The following NPAS3 variants were observed in gnomAD, a reference collection of about 807,000 sequenced individuals.
NPAS3 encodes the protein neuronal PAS domain protein 3.
In NPAS3, 14 loss-of-function variants were observed where a neutral mutation model predicts 73.1. That is an observed-to-expected ratio of 0.19 (90% CI 0.13 to 0.30). The LOEUF (loss-of-function observed/expected upper bound fraction) is 0.30, where lower values mean the gene tolerates loss of function less well. Among genes scored for constraint, NPAS3 ranks in the 10% least tolerant of loss-of-function variants. The pLI is 1.00. For missense variants in NPAS3, 1,096 were observed against 1,250.0 expected (o/e 0.88, Z 1.86); for synonymous variants, 620 against 541.5 (o/e 1.14, Z -2.01).
chr14:33,112,995 C>T (rs1262947012), intron 2 of NPAS3, among the ~76,000 whole-genome samples: 1 of 152,146 alleles, frequency 6.6e-6, no homozygotes, highest in South Asian at 2.1e-4. Flanking sequence ...GGCATTATTT[C>T]TGAGGGCTCT....
At chr14:33,639,870 C>A (rs779687892) in intron 5 of NPAS3, among the ~76,000 whole-genome samples, 3 of 152,258 alleles carry the variant, frequency 2.0e-5, no homozygotes, top group African/African-American at 2.4e-5. Flanking sequence ...GTCCTTCCAT[C>A]CATAGTTTTG....
chr14:33,622,288 T>C (rs2058097964), intron 5 of NPAS3, among the ~76,000 whole-genome samples: 1 of 151,812 alleles, frequency 6.6e-6, no homozygotes, highest in African/African-American at 2.4e-5. Flanking sequence ...GATTTCCGTA[T>C]AGCTAACAGG....
At chr14:33,732,792 G>A (rs1392545983) in intron 6 of NPAS3, among the ~76,000 whole-genome samples, 1 of 152,202 alleles carries the variant, frequency 6.6e-6, no homozygotes, top group Non-Finnish European at 1.5e-5. Context: ...GGCAATTACT[G>A]TTGCAACATG....
At chr14:33,305,326 C>T (rs538771667) in intron 3 of NPAS3, among the ~76,000 whole-genome samples, 6 of 152,060 alleles carry the variant, frequency 3.9e-5, no homozygotes, top group South Asian at 2.1e-4. Context: ...CTGCCAAATT[C>T]GCCTAAATCC....
At chr14:33,178,742 T>C (rs1395607308) in intron 2 of NPAS3, among the ~76,000 whole-genome samples, 3 of 152,200 alleles carry the variant, frequency 2.0e-5, no homozygotes, top group Non-Finnish European at 2.9e-5. Flanking sequence ...GGATTTTCTA[T>C]ATAGGATCAT....
At chr14:33,124,388 T>G (rs577660363) in intron 2 of NPAS3, among the ~76,000 whole-genome samples, 3 of 152,112 alleles carry the variant, frequency 2.0e-5, no homozygotes, top group Non-Finnish European at 2.9e-5. Context: ...ATATCCAAAT[T>G]GTGACTGTCT....
chr14:33,232,489 T>A (rs979009406), intron 3 of NPAS3, among the ~76,000 whole-genome samples: 2 of 152,222 alleles, frequency 1.3e-5, no homozygotes. Context: ...TGTTAAGTAG[T>A]GTCAGGTTTA....
chr14:33,534,560 A>G (rs114544787), intron 4 of NPAS3, among the ~76,000 whole-genome samples: 1,865 of 152,270 alleles, frequency 0.012, 37 homozygotes, highest in African/African-American at 0.042. Flanking sequence ...GTCATTTTCC[A>G]TTTGAGAAGT....
intron 2 of NPAS3, among the ~76,000 whole-genome samples, chr14:33,078,417 G>C (rs1186753452): frequency 6.6e-6 from 1 of 151,816 alleles, no homozygotes; most frequent in Non-Finnish European, 1.5e-5. Context: ...CCAAAATATT[G>C]AGAAGATTCC....
At chr14:33,273,913 C>T (rs960504901) in intron 3 of NPAS3, among the ~76,000 whole-genome samples, 1 of 152,102 alleles carries the variant, frequency 6.6e-6, no homozygotes, top group Non-Finnish European at 1.5e-5. Context: ...ATACTGATTT[C>T]TCATCTAAAT....
chr14:33,432,962 C>T (rs2048842268), intron 4 of NPAS3, among the ~76,000 whole-genome samples: 1 of 152,112 alleles, frequency 6.6e-6, no homozygotes, highest in South Asian at 2.1e-4. Flanking sequence ...ATAGGTATTC[C>T]ATGTCATTGA....
At chr14:33,669,912 T>G (rs1318444829) in intron 5 of NPAS3, among the ~76,000 whole-genome samples, 2 of 150,436 alleles carry the variant, frequency 1.3e-5, no homozygotes, top group African/African-American at 5.0e-5. Context: ...GGGGGTTTTT[T>G]GTTTGCTTTT....
rs114124092 is a variant in NPAS3, at chr14:33,269,096, A to G, written c.385+53670A>G. Among the ~76,000 whole-genome samples, 1,068 of 152,316 alleles carry G rather than the reference A, an allele frequency of 7.0e-3. 14 individuals carry two copies. The highest frequency in any genetic ancestry group is 0.025 in the African/African-American group (1,023 of 41,546). On this transcript the variant is annotated intron_variant, in intron 3 of 11. Transcript: ENST00000356141. The stretch of plus-strand genomic sequence containing the variant: ...AATGCTTAGTAGGACTTTGATACAT[A>G]GTCGCCTAGGAAACAGTGACTTATT...
At chr14:33,270,253 T>C (rs1049657652) in intron 3 of NPAS3, among the ~76,000 whole-genome samples, 2 of 152,062 alleles carry the variant, frequency 1.3e-5, no homozygotes, top group Non-Finnish European at 2.9e-5. Context: ...AGGATACAGC[T>C]GTAAACAATT....
rs114593950 is a variant in NPAS3 at position 33,444,110 on chromosome 14, C to T, written c.468+76842C>T. Among the ~76,000 whole-genome samples the T allele has an allele frequency of 7.4e-3, 1,120 of 152,258 alleles. 5 individuals carry two copies. Among genetic ancestry groups the T allele is most frequent in the African/African-American group, 0.024 (1,014 of 41,552 alleles). On this transcript the variant is annotated intron_variant, in intron 4 of 11. Coordinates refer to ENST00000356141, the Ensembl canonical transcript of NPAS3. ...TCTTCAAGTCACCTTGAGAGACATT[C>T]GATTTAGAATCCCTAGTCATGGAAT...
intron 4 of NPAS3, among the ~76,000 whole-genome samples, chr14:33,404,127 T>C (rs1001399522): frequency 3.9e-5 from 6 of 152,246 alleles, no homozygotes; most frequent in African/African-American, 1.4e-4. Flanking sequence ...ACTGTCATTC[T>C]AGCTGGAAGG....
At chr14:33,159,480 A>G (rs1052742742) in intron 2 of NPAS3, among the ~76,000 whole-genome samples, 1 of 150,822 alleles carries the variant, frequency 6.6e-6, no homozygotes, top group African/African-American at 2.4e-5. Context: ...CTGTCCTTAG[A>G]TGTTTTTATA....
intron 1 of NPAS3, among the ~76,000 whole-genome samples, chr14:32,979,031 C>A (rs2037796791): frequency 6.6e-6 from 1 of 152,052 alleles, no homozygotes; most frequent in African/African-American, 2.4e-5. Context: ...AGTTGCTCAA[C>A]CATTGTGAGC....
intron 4 of NPAS3, among the ~76,000 whole-genome samples, chr14:33,546,683 A>G (rs574601251): frequency 7.2e-5 from 11 of 152,348 alleles, no homozygotes; most frequent in African/African-American, 2.4e-4. Flanking sequence ...AGGGGCCCCA[A>G]TATAAAGACT....
Sources: gnomAD v4.1 joint callset for allele counts (sites outside exome capture counted in the v4.1 genomes callset) on GRCh38, gnomAD v4.1.1 for gene constraint, MANE v1.5 for transcripts, NCBI Gene and HGNC (gene_info 2026-07-23, HGNC 2026-07-21) for gene names.